The following PDE10A variants were observed in gnomAD, a reference collection of about 807,000 sequenced individuals.
PDE10A encodes phosphodiesterase 10A, also known as cAMP and cAMP-inhibited cGMP 3',5'-cyclic phosphodiesterase 10A.
In PDE10A, 39 loss-of-function variants were observed where a neutral mutation model predicts 97.7. That is an observed-to-expected ratio of 0.40 (90% CI 0.31 to 0.52). The LOEUF is 0.52. Ranked by LOEUF, PDE10A falls within the 20% of genes least tolerant of loss-of-function variation. The probability of loss-of-function intolerance (pLI) is 0.56; values close to 1 mark genes in which losing one functional copy is unlikely to be tolerated. For missense variants in PDE10A, 731 were observed against 1,047.8 expected (o/e 0.70, Z 4.17); for synonymous variants, 371 against 376.8 (o/e 0.98, Z 0.18).
chr6:165,386,566 C>A (rs1785313472), intron 17 of PDE10A, among the ~76,000 whole-genome samples: 1 of 152,034 alleles, frequency 6.6e-6, no homozygotes, highest in South Asian at 2.1e-4. Context: ...CAAATAGTCT[C>A]CAATGATGAA....
intron 3 of PDE10A, among the ~76,000 whole-genome samples, chr6:165,452,169 A>G (rs221748): frequency 0.67 from 102,605 of 152,096 alleles, 35,085 homozygotes; most frequent in African/African-American, 0.78. Flanking sequence ...ATTAATGAGG[A>G]AACTGCTGCC....
chr6:165,557,581 T>G (rs529044430), intron 1 of PDE10A, among the ~76,000 whole-genome samples: 31 of 152,098 alleles, frequency 2.0e-4, no homozygotes, highest in Non-Finnish European at 4.1e-4. Flanking sequence ...TTGAAACAAA[T>G]AAAAATCACA....
At chr6:165,580,383 A>G (rs1171358405) in intron 1 of PDE10A, among the ~76,000 whole-genome samples, 1 of 152,208 alleles carries the variant, frequency 6.6e-6, no homozygotes, top group African/African-American at 2.4e-5. Context: ...ATGGGACTAC[A>G]AACAGTTTGA....
intron 1 of PDE10A, among the ~76,000 whole-genome samples, chr6:165,880,920 CAT>C (rs1391964396): frequency 1.3e-5 from 2 of 152,200 alleles, no homozygotes; most frequent in Non-Finnish European, 2.9e-5. Context: ...AAATTTCATC[CAT>C]ATGTTTCTAA....
intron 1 of PDE10A, among the ~76,000 whole-genome samples, chr6:165,595,080 G>T (rs962508332): frequency 8.5e-5 from 13 of 152,142 alleles, no homozygotes; most frequent in African/African-American, 3.1e-4. Flanking sequence ...AGATTCTTTG[G>T]ACTGCAGGAG....
At chr6:165,620,913 A>G (rs1274523141) in intron 1 of PDE10A, among the ~76,000 whole-genome samples, 1 of 151,550 alleles carries the variant, frequency 6.6e-6, no homozygotes, top group Non-Finnish European at 1.5e-5. Context: ...CCCAGCTACT[A>G]GGGAGGCTGA....
At chr6:165,916,196 A>T (rs1782599834) in intron 1 of PDE10A, among the ~76,000 whole-genome samples, 1 of 152,226 alleles carries the variant, frequency 6.6e-6, no homozygotes. Context: ...GCCAGTTCCT[A>T]ATTTGCAATC....
intron 1 of PDE10A, among the ~76,000 whole-genome samples, chr6:165,815,907 C>T (rs934572263): frequency 6.6e-6 from 1 of 151,838 alleles, no homozygotes; most frequent in East Asian, 1.9e-4. Flanking sequence ...CCTCGTGACA[C>T]GATTGTCCCC....
chr6:165,735,883 T>C (rs1792563978), intron 1 of PDE10A, among the ~76,000 whole-genome samples: 1 of 152,230 alleles, frequency 6.6e-6, no homozygotes, highest in African/African-American at 2.4e-5. Context: ...TTTGTGAAAT[T>C]ATGAATCATC....
At chr6:165,698,803 C>T (rs1003420588) in intron 1 of PDE10A, among the ~76,000 whole-genome samples, 23 of 152,082 alleles carry the variant, frequency 1.5e-4, no homozygotes, top group East Asian at 1.4e-3. Context: ...ATCACTCCAC[C>T]GCACTCCAGC....
At chr6:165,887,036 G>C (rs1404562514) in intron 1 of PDE10A, among the ~76,000 whole-genome samples, 2 of 152,156 alleles carry the variant, frequency 1.3e-5, no homozygotes. Context: ...ACATGAGCAA[G>C]ATACTGAAAT....
intron 1 of PDE10A, among the ~76,000 whole-genome samples, chr6:165,930,895 G>A (rs1430576011): frequency 6.6e-6 from 1 of 152,210 alleles, no homozygotes; most frequent in Non-Finnish European, 1.5e-5. Flanking sequence ...TCAGCCTGGC[G>A]CAGCCTGGAA....
rs1359523817 is a variant in PDE10A, at chr6:165,671,491, G to A, written c.-614-127923C>T. Among the ~76,000 whole-genome samples, 1 of 152,124 alleles carries A rather than the reference G, an allele frequency of 6.6e-6. No homozygotes were observed. The highest frequency in any genetic ancestry group is 1.5e-5 in the Non-Finnish European group (1 of 68,026). ...TCCACCCAGGAAGAGGAAGCCAGCT[G>A]CTCATGCTGCCACCTTCCCGTTGGC... On this transcript the variant is annotated intron_variant, in intron 1 of 19. Coordinates refer to the PDE10A transcript ENST00000366882. This position sits in a 1 kb window ranked among gnomAD's most constrained non-coding sequence, Gnocchi z 4.6.
At chr6:165,358,276 A>C (rs943793916) in intron 18 of PDE10A, among the ~76,000 whole-genome samples, 4 of 152,088 alleles carry the variant, frequency 2.6e-5, no homozygotes, top group South Asian at 2.1e-4. Flanking sequence ...TTCTTCTGTA[A>C]GTTACTTAAG....
At chr6:165,816,014 A>G (rs1230073761) in intron 1 of PDE10A, among the ~76,000 whole-genome samples, 2 of 150,512 alleles carry the variant, frequency 1.3e-5, no homozygotes, top group African/African-American at 4.9e-5. Flanking sequence ...CAGTGGCGTG[A>G]TCTCAACTCA....
At chr6:165,576,421 G>A (rs1785308617) in intron 1 of PDE10A, 1 of 780,758 alleles carries the variant, frequency 1.3e-6, no homozygotes, top group Non-Finnish European at 2.4e-6. Flanking sequence ...CCTGTTAAAT[G>A]TTGGGATTTC....
At chr6:165,833,324 C>T (rs772537549) in intron 1 of PDE10A, among the ~76,000 whole-genome samples, 17 of 152,206 alleles carry the variant, frequency 1.1e-4, no homozygotes, top group South Asian at 4.1e-4. Context: ...AATATACAAA[C>T]GTGAACACAT....
rs193243785 is a variant in PDE10A at position 165,398,433 on chromosome 6, A to G, written c.2077-1974T>C. On this transcript the variant is annotated intron_variant, in intron 13 of 21. Transcript: ENST00000539869. ...GAGGCAAGAGGTGGAGGTTTCAGTG[A>G]GCAAAGATTGCACTACTACACTTCA... is the stretch of plus-strand genomic sequence containing the variant. Among the ~76,000 whole-genome samples, 207 of 151,422 alleles carry G rather than the reference A, an allele frequency of 1.4e-3. 2 individuals are homozygous for G. Among genetic ancestry groups the G allele is most frequent in the African/African-American group, 4.8e-3 (199 of 41,234 alleles).
chr6:165,359,077 C>A (rs535410295), intron 18 of PDE10A, among the ~76,000 whole-genome samples: 16 of 152,078 alleles, frequency 1.1e-4, no homozygotes, highest in Admixed American at 1.0e-3. Flanking sequence ...CATATTTAAT[C>A]ACTACATATG....
Sources: gnomAD v4.1 joint callset for allele counts (sites outside exome capture counted in the v4.1 genomes callset) on GRCh38, gnomAD v4.1.1 for gene constraint, Gnocchi (gnomAD v3.1) non-coding constraint, MANE v1.5 for transcripts, NCBI Gene and HGNC (gene_info 2026-07-23, HGNC 2026-07-21) for gene names.